SLC9D1: variants seen among roughly 807,000 people sequenced by gnomAD.
SLC9D1 encodes putative LAG1-interacting protein.
chr13:113,510,977 G>A, the SLC9D1 span, among the ~76,000 whole-genome samples: 2 of 118,420 alleles, frequency 1.7e-5, no homozygotes, highest in Admixed American at 7.9e-5. Context: ...CCTCTGCGGG[G>A]AGGACAGTGG....
At chr13:113,549,405 T>G in the SLC9D1 span, 5 of 1,612,622 alleles carry the variant, frequency 3.1e-6, no homozygotes, top group African/African-American at 6.7e-5. Flanking sequence ...TGTGACCCGC[T>G]CTGCACTTTG....
At chr13:113,493,311 A>G in the SLC9D1 span, among the ~76,000 whole-genome samples, 2 of 152,242 alleles carry the variant, frequency 1.3e-5, no homozygotes, top group South Asian at 2.1e-4. Context: ...AAATCCATCA[A>G]AGAATCACTT....
chr13:113,535,458 G>A, the SLC9D1 span, among the ~76,000 whole-genome samples: 1 of 152,198 alleles, frequency 6.6e-6, no homozygotes, highest in Non-Finnish European at 1.5e-5. The surrounding 1 kb of genome is among the most constrained non-coding windows in gnomAD (Gnocchi z 4.1). Flanking sequence ...TCTTCCTGCT[G>A]TTTATCCCAG....
the SLC9D1 span, among the ~76,000 whole-genome samples, chr13:113,541,659 C>T: frequency 7.7e-5 from 10 of 129,536 alleles, no homozygotes; most frequent in South Asian, 2.9e-4. Context: ...GCTTTATTAC[C>T]GCCGAGATGT....
At chr13:113,539,309 C>A in the SLC9D1 span, 1 of 1,592,668 alleles carries the variant, frequency 6.3e-7, no homozygotes. This position sits in a 1 kb window ranked among gnomAD's most constrained non-coding sequence, Gnocchi z 4.8. Flanking sequence ...GGGGGTGACC[C>A]TGGTGCACTG....
At chr13:113,518,088 T>C in the SLC9D1 span, among the ~76,000 whole-genome samples, 1 of 152,244 alleles carries the variant, frequency 6.6e-6, no homozygotes, top group African/African-American at 2.4e-5. Flanking sequence ...AAAATGCTTA[T>C]AGTAGTGATA....
chr13:113,540,671 C>T, the SLC9D1 span, among the ~76,000 whole-genome samples: 2 of 152,314 alleles, frequency 1.3e-5, no homozygotes, highest in East Asian at 1.9e-4. Flanking sequence ...AGTATTCTCT[C>T]GCATTCGTAG....
chr13:113,531,821 G>A, the SLC9D1 span, among the ~76,000 whole-genome samples: 1 of 152,248 alleles, frequency 6.6e-6, no homozygotes, highest in African/African-American at 2.4e-5. Flanking sequence ...CTTCTGATTG[G>A]CATCTTTCTG....
the SLC9D1 span, among the ~76,000 whole-genome samples, chr13:113,520,325 G>T: frequency 6.6e-6 from 1 of 151,770 alleles, no homozygotes. Context: ...CTCTACTAAA[G>T]ATATAAAAAT....
chr13:113,531,858 A>G, the SLC9D1 span, among the ~76,000 whole-genome samples: 1 of 152,182 alleles, frequency 6.6e-6, no homozygotes, highest in African/African-American at 2.4e-5. Flanking sequence ...CATTTAATGG[A>G]CACTGTGGGA....
chr13:113,547,189 TA>T, the SLC9D1 span: 2 of 839,770 alleles, frequency 2.4e-6, no homozygotes, highest in Admixed American at 4.2e-5. Flanking sequence ...TGGGAGGATT[TA>T]GGATTTTAAT....
At chr13:113,549,250 T>C in the SLC9D1 span, among the ~76,000 whole-genome samples, 3 of 150,832 alleles carry the variant, frequency 2.0e-5, no homozygotes, top group African/African-American at 7.3e-5. Context: ...TTAGCTTCCA[T>C]CCCCCACCCC....
At chr13:113,522,345 T>A in the SLC9D1 span, among the ~76,000 whole-genome samples, 1 of 152,232 alleles carries the variant, frequency 6.6e-6, no homozygotes, top group South Asian at 2.1e-4. Context: ...TTGTTGTTGT[T>A]GTTGTTGTTG....
the SLC9D1 span, among the ~76,000 whole-genome samples, chr13:113,539,138 A>AT: frequency 3.9e-5 from 6 of 152,198 alleles, no homozygotes; most frequent in African/African-American, 1.4e-4. This position sits in a 1 kb window ranked among gnomAD's most constrained non-coding sequence, Gnocchi z 4.8. Flanking sequence ...TTTTTAAACA[A>AT]TTTTTTTCTC....
chr13:113,510,829 A>C, the SLC9D1 span, among the ~76,000 whole-genome samples: 4 of 152,250 alleles, frequency 2.6e-5, no homozygotes, highest in Non-Finnish European at 4.4e-5. Flanking sequence ...TGTGAAATCA[A>C]GGTGCTTTGG....
the SLC9D1 span, chr13:113,503,465 A>G: frequency 1.3e-6 from 2 of 1,544,572 alleles, no homozygotes; most frequent in Non-Finnish European, 1.8e-6. Flanking sequence ...AAACATGTAC[A>G]ATTATATGGT....
At chr13:113,507,561 G>A in the SLC9D1 span, among the ~76,000 whole-genome samples, 1 of 152,198 alleles carries the variant, frequency 6.6e-6, no homozygotes, top group Non-Finnish European at 1.5e-5. Flanking sequence ...CTGAAGCCCC[G>A]AAACTGCGCC....
the SLC9D1 span, chr13:113,503,670 G>A: frequency 1.4e-5 from 11 of 787,726 alleles, no homozygotes; most frequent in Admixed American, 2.4e-5. Context: ...AACACTTGTT[G>A]ATGAATTCAC....
the SLC9D1 span, among the ~76,000 whole-genome samples, chr13:113,500,560 G>A: frequency 2.0e-5 from 3 of 152,184 alleles, no homozygotes; most frequent in African/African-American, 4.8e-5. Flanking sequence ...AGTGCCTGGC[G>A]TTCCAGATGG....
Sources: allele counts gnomAD v4.1 joint callset (sites outside exome capture counted in the v4.1 genomes callset), GRCh38; gene constraint gnomAD v4.1.1; non-coding constraint Gnocchi (gnomAD v3.1); transcripts MANE v1.5; gene names NCBI Gene and HGNC (gene_info 2026-07-23, HGNC 2026-07-21).